Variants in GTPBP4 observed in about 807,000 individuals in gnomAD.
GTPBP4 encodes the protein GTP-binding protein 4.
Under a neutral mutation model 81.7 loss-of-function variants are expected in GTPBP4, and 15 were observed. That is an observed-to-expected ratio of 0.18 (90% CI 0.12 to 0.28). GTPBP4 has a LOEUF of 0.28. Ranked by LOEUF, GTPBP4 falls within the 10% of genes least tolerant of loss-of-function variation. The probability of loss-of-function intolerance (pLI) is 1.00; values close to 1 mark genes in which losing one functional copy is unlikely to be tolerated. For missense variants in GTPBP4, 847 were observed against 793.8 expected (o/e 1.07, Z -0.81); for synonymous variants, 272 against 274.6 (o/e 0.99, Z 0.09).
rs10159989 is a variant in GTPBP4, at chr10:1,019,310, A to G, written c.*2083A>G. The G allele has an allele frequency of 0.021, 10,980 of 534,962 alleles. 936 individuals carry two copies. The highest frequency in any genetic ancestry group is 0.19 in the African/African-American group (9,815 of 52,574). The allele number at this position is 534,962 out of a possible 1,614,324, so 33.1% of individuals were successfully genotyped here. A position where few individuals can be genotyped will look rare whatever the true frequency, so the allele number is the denominator to read the frequency against. ...GGAAATGTTAAATTTCCTCCCTGCA[A>G]CCAGGCAGATGAGAAATATGGAAAT... On this transcript the variant is annotated 3_prime_UTR_variant, in exon 17 of 17. Coordinates refer to ENST00000360803, the MANE Select transcript of GTPBP4 (RefSeq NM_012341.3).
At chr10:1,001,807 A>G (rs1831638781) in intron 8 of GTPBP4, among the ~76,000 whole-genome samples, 1 of 152,254 alleles carries the variant, frequency 6.6e-6, no homozygotes, top group East Asian at 1.9e-4. Context: ...TTGTGGCCTA[A>G]CATATGGTCT....
In GTPBP4 at chr10:1,014,292, G is replaced by C; in HGVS notation, c.1588G>C (p.Asp530His). Residue 530 changes from aspartate to histidine, a missense_variant, in exon 15 of 17, where the codon GAC becomes CAC. By Grantham distance (81) the Asp-to-His change is moderately conservative. Around this residue, in one of 3 missense-constraint regions of GTPBP4, gnomAD observed 600 missense variants for 557.1 expected, o/e 1.08. Transcript: ENST00000360803. ...GAAGGAGATGCGTAGTCTTGGTGTT[G>C]ACATGGACGATAAAGACGATGTGAG... ...LEKEMRSLGV[D>H]MDDKDDAHYA... 6.2e-7 allele frequency: 1 copy of C among 1,608,760 alleles called. No homozygotes were observed. Among genetic ancestry groups the C allele is most frequent in the Non-Finnish European group, 8.5e-7 (1 of 1,175,368 alleles).
At position 1,010,530 on chromosome 10, in the gene GTPBP4, A is replaced by G; in HGVS notation, c.1344+10A>G. ...TCCAGCCATCATGAAGGTTTGTGTCACTTTTTAAATTGCGGATTGTTTTCC... is the reference window on the plus strand; with the variant it reads ...TCCAGCCATCATGAAGGTTTGTGTCGCTTTTTAAATTGCGGATTGTTTTCC... On this transcript the variant is annotated intron_variant, in intron 13 of 16. Coordinates refer to ENST00000360803, the MANE Select transcript of GTPBP4 (RefSeq NM_012341.3). The G allele has an allele frequency of 7.2e-7, 1 of 1,379,874 alleles. No homozygotes were observed. 85.5% of individuals were successfully genotyped at this position (1,379,874 alleles called of 1,614,324 possible).
chr10:994,471 A>T (rs1038482593), intron 2 of GTPBP4, among the ~76,000 whole-genome samples: 2 of 151,960 alleles, frequency 1.3e-5, no homozygotes, highest in Non-Finnish European at 2.9e-5. Flanking sequence ...AGGTTTCTCC[A>T]TGTTGGCCAG....
chr10:993,651 A>T (rs1831488088), intron 2 of GTPBP4, among the ~76,000 whole-genome samples: 1 of 152,194 alleles, frequency 6.6e-6, no homozygotes, highest in African/African-American at 2.4e-5. Flanking sequence ...AGGTTAATTG[A>T]GGTTGTGAAG....
chr10:1,010,118 G>GATGCTGCTGCA (rs1404868342), intron 12 of GTPBP4, among the ~76,000 whole-genome samples: 8 of 126,868 alleles, frequency 6.3e-5, no homozygotes, highest in South Asian at 3.1e-4. Flanking sequence ...CTGATGTGTT[G>GATGCTGCTGCA]TTTCCTGTTG....
intron 10 of GTPBP4, chr10:1,007,938 A>AC: frequency 1.9e-6 from 1 of 517,946 alleles, no homozygotes; most frequent in South Asian, 1.4e-5. Context: ...CTTTTGTATT[A>AC]CAAAGGTTGG....
At chr10:1,009,288 A>G (rs1831807794) in intron 11 of GTPBP4, among the ~76,000 whole-genome samples, 2 of 152,202 alleles carry the variant, frequency 1.3e-5, no homozygotes, top group African/African-American at 4.8e-5. Flanking sequence ...GCCTCTTCCT[A>G]CCAGAACCTA....
intron 11 of GTPBP4, among the ~76,000 whole-genome samples, 186 bp downstream of exon 11, chr10:1,009,221 G>A (rs956414408): frequency 5.3e-5 from 8 of 152,364 alleles, no homozygotes; most frequent in African/African-American, 1.9e-4. Context: ...CCTGAGGGAA[G>A]ATGGCCGTGA....
At chr10:998,409 C>T (rs1831569828) in intron 5 of GTPBP4, among the ~76,000 whole-genome samples, 1 of 152,160 alleles carries the variant, frequency 6.6e-6, no homozygotes, top group South Asian at 2.1e-4. Context: ...CTTAAGATCA[C>T]TTTTGCTTTG....
At chr10:991,381 A>G (rs1338193430) in intron 1 of GTPBP4, among the ~76,000 whole-genome samples, 1 of 152,232 alleles carries the variant, frequency 6.6e-6, no homozygotes, top group Non-Finnish European at 1.5e-5. Context: ...GGATTTAGGA[A>G]TCCTGGGGAT....
At chr10:995,864 T>C in intron 2 of GTPBP4, 65 bp from the exon 3 acceptor site, 1 of 904,188 alleles carries the variant, frequency 1.1e-6, no homozygotes, top group South Asian at 1.4e-5. Flanking sequence ...GAAATTGTTC[T>C]TCAAGTGGTA....
At chr10:1,005,002 G>T (rs1347248704) in intron 8 of GTPBP4, among the ~76,000 whole-genome samples, 3 of 152,170 alleles carry the variant, frequency 2.0e-5, no homozygotes, top group Admixed American at 1.3e-4. Flanking sequence ...GGTGGTGAGG[G>T]CTGTGGGTGT....
intron 11 of GTPBP4, 37 bp downstream of exon 11, chr10:1,009,072 G>A: frequency 6.8e-7 from 1 of 1,469,468 alleles, no homozygotes; most frequent in Non-Finnish European, 9.5e-7. Context: ...GTTCTCATGG[G>A]GGGAGGCAGG....
intron 1 of GTPBP4, among the ~76,000 whole-genome samples, chr10:991,887 G>C (rs1468723810): frequency 6.8e-6 from 1 of 146,644 alleles, no homozygotes; most frequent in Admixed American, 6.7e-5. Context: ...AGTAGAGACG[G>C]GGTTTCACCG....
intron 6 of GTPBP4, among the ~76,000 whole-genome samples, chr10:999,422 A>G (rs1831585893): frequency 6.6e-6 from 1 of 152,098 alleles, no homozygotes; most frequent in South Asian, 2.1e-4. Flanking sequence ...TGCACCTGGC[A>G]AGAGTCTTGT....
chr10:1,010,993 A>ACCACCTTCC (rs1348527364), intron 13 of GTPBP4, among the ~76,000 whole-genome samples: 7 of 138,572 alleles, frequency 5.1e-5, no homozygotes, highest in Non-Finnish European at 9.3e-5. Flanking sequence ...TGCCTCCTGC[A>ACCACCTTCC]CCACCTTCCC....
intron 10 of GTPBP4, 77 bp downstream of exon 10, chr10:1,007,205 T>A (rs1831757476): frequency 1.3e-6 from 1 of 785,730 alleles, no homozygotes; most frequent in African/African-American, 1.7e-5. Flanking sequence ...TCCAGAAGCC[T>A]CCCATCCAGC....
intron 5 of GTPBP4, among the ~76,000 whole-genome samples, chr10:998,305 C>T (rs1006556170): frequency 6.6e-6 from 1 of 152,028 alleles, no homozygotes; most frequent in Non-Finnish European, 1.5e-5. Context: ...TCACTGTGTT[C>T]CCCAGGCTGA....
Sources: allele counts gnomAD v4.1 joint callset (sites outside exome capture counted in the v4.1 genomes callset), GRCh38; gene constraint gnomAD v4.1.1; regional missense constraint gnomAD v4.1.1; transcripts MANE v1.5; gene names NCBI Gene and HGNC (gene_info 2026-07-23, HGNC 2026-07-21).